ARB2A: variants seen among roughly 807,000 people sequenced by gnomAD.
ARB2A encodes the protein ARB2 cotranscriptional regulator A.
the ARB2A span, among the ~76,000 whole-genome samples, chr5:94,059,507 G>A: frequency 3.8e-4 from 58 of 151,408 alleles, 1 homozygote; most frequent in African/African-American, 1.4e-3. Context: ...TGTAATCCCA[G>A]GTACTTGGGA....
At chr5:93,710,816 A>G in the ARB2A span, among the ~76,000 whole-genome samples, 1 of 152,224 alleles carries the variant, frequency 6.6e-6, no homozygotes, top group Non-Finnish European at 1.5e-5. Context: ...CAAACATTTT[A>G]GTTAGTCTGC....
chr5:93,997,785 T>A, the ARB2A span, among the ~76,000 whole-genome samples: 7 of 152,040 alleles, frequency 4.6e-5, no homozygotes, highest in East Asian at 1.3e-3. Context: ...TAAAATCAAC[T>A]GACAGTCCAT....
At chr5:93,778,237 T>C in the ARB2A span, among the ~76,000 whole-genome samples, 1 of 152,066 alleles carries the variant, frequency 6.6e-6, no homozygotes, top group East Asian at 1.9e-4. Context: ...ATAAAAGAAA[T>C]AGGGTTTTAG....
the ARB2A span, among the ~76,000 whole-genome samples, chr5:93,726,188 T>C: frequency 1.3e-5 from 2 of 152,106 alleles, no homozygotes; most frequent in African/African-American, 2.4e-5. Context: ...TTGTGGCCTG[T>C]ATATTAAATT....
the ARB2A span, among the ~76,000 whole-genome samples, chr5:93,706,579 G>A: frequency 2.0e-5 from 3 of 152,096 alleles, no homozygotes; most frequent in African/African-American, 7.2e-5. Flanking sequence ...AAAAATTGTG[G>A]CCAGGAGGCC....
At chr5:93,781,667 T>C in the ARB2A span, among the ~76,000 whole-genome samples, 2 of 151,066 alleles carry the variant, frequency 1.3e-5, no homozygotes, top group Non-Finnish European at 2.9e-5. Flanking sequence ...TGTATATGAA[T>C]CCCCTTTTCC....
the ARB2A span, among the ~76,000 whole-genome samples, chr5:93,877,763 C>A: frequency 0.9 from 137,304 of 152,162 alleles, 62,438 homozygotes; most frequent in East Asian, 1. Context: ...GAAGAGGTGG[C>A]ATTTCAGCTA....
chr5:94,102,205 A>G, the ARB2A span, among the ~76,000 whole-genome samples: 1 of 152,100 alleles, frequency 6.6e-6, no homozygotes, highest in Non-Finnish European at 1.5e-5. Flanking sequence ...CATAGAATTC[A>G]GAATCTGGAT....
the ARB2A span, among the ~76,000 whole-genome samples, chr5:93,662,505 T>C: frequency 8.5e-5 from 13 of 152,328 alleles, no homozygotes; most frequent in African/African-American, 2.9e-4. Flanking sequence ...CAACTGTTGA[T>C]ACTTACACTT....
chr5:93,988,513 C>G, the ARB2A span, among the ~76,000 whole-genome samples: 2 of 152,144 alleles, frequency 1.3e-5, no homozygotes, highest in Non-Finnish European at 2.9e-5. Flanking sequence ...TGCCTGGCCC[C>G]CAATCTATCC....
the ARB2A span, among the ~76,000 whole-genome samples, chr5:93,678,782 G>GT: frequency 4.5e-4 from 69 of 151,934 alleles, 1 homozygote; most frequent in South Asian, 2.1e-4. Context: ...TATAACTGAG[G>GT]TTTTTTCTAA....
At chr5:93,952,357 T>C in the ARB2A span, among the ~76,000 whole-genome samples, 2 of 152,210 alleles carry the variant, frequency 1.3e-5, no homozygotes, top group Non-Finnish European at 2.9e-5. Flanking sequence ...CTGGTGTGGA[T>C]AAAATCACTC....
At chr5:93,633,872 C>G in the ARB2A span, among the ~76,000 whole-genome samples, 2 of 152,018 alleles carry the variant, frequency 1.3e-5, no homozygotes, top group Non-Finnish European at 2.9e-5. Context: ...GGGGTGCAAT[C>G]ATGGCTCACT....
chr5:93,755,722 C>T, the ARB2A span, among the ~76,000 whole-genome samples: 18 of 152,304 alleles, frequency 1.2e-4, no homozygotes, highest in Non-Finnish European at 2.4e-4. Flanking sequence ...AGCAGAAACG[C>T]GCTGGGAGCT....
chr5:94,047,457 G>A, the ARB2A span, among the ~76,000 whole-genome samples: 14 of 123,548 alleles, frequency 1.1e-4, no homozygotes, highest in South Asian at 2.5e-4. Context: ...GAGCTGAGGC[G>A]CCTGGCGCCT....
chr5:93,667,453 T>C, the ARB2A span, among the ~76,000 whole-genome samples: 1 of 152,202 alleles, frequency 6.6e-6, no homozygotes, highest in Non-Finnish European at 1.5e-5. Context: ...TTGAAAATTC[T>C]CTTTTTTTGG....
chr5:94,108,604 G>A, the ARB2A span, among the ~76,000 whole-genome samples: 1 of 151,882 alleles, frequency 6.6e-6, no homozygotes, highest in Non-Finnish European at 1.5e-5. Context: ...TGGTCAAAAA[G>A]GACATGAAAA....
chr5:93,737,960 A>G, the ARB2A span: 1 of 445,188 alleles, frequency 2.2e-6, no homozygotes, highest in Non-Finnish European at 4.5e-6. Context: ...AAAAGAAAAA[A>G]TGGATAAGCT....
chr5:93,695,169 A>C, the ARB2A span, among the ~76,000 whole-genome samples: 5 of 151,796 alleles, frequency 3.3e-5, no homozygotes, highest in Non-Finnish European at 7.4e-5. Flanking sequence ...CAATGGCAAC[A>C]AAAGTCAAAA....
Sources: allele counts gnomAD v4.1 joint callset (sites outside exome capture counted in the v4.1 genomes callset), GRCh38; gene constraint gnomAD v4.1.1; transcripts MANE v1.5; gene names NCBI Gene and HGNC (gene_info 2026-07-23, HGNC 2026-07-21).